Variants in GLYATL2 observed in about 807,000 individuals in gnomAD.
The protein encoded by GLYATL2 is glycine-N-acyltransferase like 2.
GLYATL2 carries 25 observed loss-of-function variants against 21.4 expected under a neutral mutation model. The ratio of observed to expected loss-of-function variants is 1.17; its 90% confidence interval spans 0.85 to 1.63. The LOEUF is 1.63. Ranked by LOEUF, GLYATL2 falls within the 40% of genes most tolerant of loss-of-function variation. The pLI, the probability that GLYATL2 is intolerant of heterozygous loss-of-function variation, is 0.00. For synonymous variants in GLYATL2, 114 were observed against 118.2 expected (o/e 0.96, Z 0.23); for missense variants, 361 against 343.3 (o/e 1.05, Z -0.41).
chr11:58,857,834 T>C (rs1420086611), intron 1 of GLYATL2, among the ~76,000 whole-genome samples: 1 of 149,900 alleles, frequency 6.7e-6, no homozygotes, highest in Non-Finnish European at 1.5e-5. Context: ...CCTTTCTCAC[T>C]GTTGCCTGTC....
chr11:58,895,037 T>C (rs1405553751), intron 1 of GLYATL2, among the ~76,000 whole-genome samples: 4 of 152,208 alleles, frequency 2.6e-5, no homozygotes, highest in African/African-American at 4.8e-5. Flanking sequence ...GGGCAGGTCC[T>C]GTATCCAGAA....
chr11:58,871,841 T>G (rs1274759073), intron 1 of GLYATL2, among the ~76,000 whole-genome samples: 4 of 152,228 alleles, frequency 2.6e-5, no homozygotes, highest in African/African-American at 9.7e-5. Context: ...TAGTTCTAGA[T>G]GCCTGAGGAA....
upstream of GLYATL2, among the ~76,000 whole-genome samples, chr11:58,908,917 T>G (rs1406643383): frequency 5.9e-5 from 9 of 152,196 alleles, 1 homozygote; most frequent in Admixed American, 5.9e-4. Context: ...ATGCAGTAGG[T>G]AATATTATCA....
chr11:58,844,586 G>A lies in GLYATL2; in HGVS notation c.-193C>T, dbSNP rs10792183. ...ACTGTTAAGCATAAAGCTTCAGGAA[G>A]TTATGGGTTCCTGTAGATTAAACCA... On this transcript the variant is annotated 5_prime_UTR_variant, in exon 1 of 6. Transcript: ENST00000287275. 1.3e-5 allele frequency: 2 copies of A among 152,014 alleles called. No homozygotes were observed. The highest frequency in any genetic ancestry group is 2.4e-5 in the African/African-American group (1 of 41,378). 9.4% of individuals were successfully genotyped at this position (152,014 alleles called of 1,614,324 possible).
intron 1 of GLYATL2, among the ~76,000 whole-genome samples, chr11:58,842,576 G>A (rs1853573564): frequency 6.6e-6 from 1 of 151,342 alleles, no homozygotes; most frequent in African/African-American, 2.4e-5. Flanking sequence ...TGTGCTCTGA[G>A]CTACCAGGAC....
At chr11:58,852,148 T>C (rs12421653) in intron 1 of GLYATL2, among the ~76,000 whole-genome samples, 135,628 of 152,094 alleles carry the variant, frequency 0.89, 61,510 homozygotes, top group Non-Finnish European at 0.98. Context: ...TATGAATGTG[T>C]TTACTTCTGG....
upstream of GLYATL2, among the ~76,000 whole-genome samples, chr11:58,906,685 A>C (rs1405276264): frequency 6.6e-6 from 1 of 152,164 alleles, no homozygotes; most frequent in Non-Finnish European, 1.5e-5. Flanking sequence ...GATTCATGTT[A>C]GGGTAGCGCT....
At chr11:58,885,772 G>A (rs963148063) in intron 1 of GLYATL2, among the ~76,000 whole-genome samples, 1 of 152,168 alleles carries the variant, frequency 6.6e-6, no homozygotes, top group Non-Finnish European at 1.5e-5. Context: ...AAAAGGACAA[G>A]GCTGACACTC....
At chr11:58,897,364 G>C (rs1334127719) in intron 1 of GLYATL2, among the ~76,000 whole-genome samples, 1 of 152,160 alleles carries the variant, frequency 6.6e-6, no homozygotes, top group African/African-American at 2.4e-5. Flanking sequence ...ATGCCCAGGG[G>C]TGAAATTTTT....
chr11:58,840,412 A>T (rs982927037), intron 1 of GLYATL2, among the ~76,000 whole-genome samples: 4 of 152,192 alleles, frequency 2.6e-5, no homozygotes, highest in Non-Finnish European at 5.9e-5. Context: ...GAAATGATCA[A>T]GTTAATGATG....
intron 1 of GLYATL2, among the ~76,000 whole-genome samples, chr11:58,853,002 T>C (rs1429333770): frequency 2.0e-5 from 3 of 152,208 alleles, no homozygotes; most frequent in Non-Finnish European, 4.4e-5. Flanking sequence ...ATATTTGGTA[T>C]TCATTTATTT....
intron 1 of GLYATL2, among the ~76,000 whole-genome samples, chr11:58,865,445 C>A (rs569124130): frequency 1.3e-5 from 2 of 149,154 alleles, no homozygotes; most frequent in South Asian, 4.3e-4. Flanking sequence ...ACTAATTCAA[C>A]TAAAGCCTCA....
intron 5 of GLYATL2, among the ~76,000 whole-genome samples, 175 bp downstream of exon 5, chr11:58,836,840 A>G (rs1169916379): frequency 6.6e-6 from 1 of 152,204 alleles, no homozygotes; most frequent in Non-Finnish European, 1.5e-5. Context: ...GACCTTGTCT[A>G]ATGAAGGCTA....
chr11:58,906,098 G>C (rs1381798202), upstream of GLYATL2, among the ~76,000 whole-genome samples: 2 of 152,192 alleles, frequency 1.3e-5, no homozygotes, highest in South Asian at 2.1e-4. Flanking sequence ...GTCTGGTCAG[G>C]CTCGCCGGTT....
At chr11:58,850,208 A>G (rs180783090) in intron 1 of GLYATL2, among the ~76,000 whole-genome samples, 2 of 152,304 alleles carry the variant, frequency 1.3e-5, no homozygotes, top group African/African-American at 4.8e-5. Flanking sequence ...TCAGTGTGAT[A>G]CTAGCTGTAG....
At chr11:58,872,656 G>T (rs998985306) in intron 1 of GLYATL2, among the ~76,000 whole-genome samples, 2 of 152,186 alleles carry the variant, frequency 1.3e-5, no homozygotes, top group African/African-American at 4.8e-5. Flanking sequence ...CTCTGTTTTG[G>T]TGCCAGCACC....
chr11:58,906,373 C>T (rs959776987), upstream of GLYATL2, among the ~76,000 whole-genome samples: 10 of 152,138 alleles, frequency 6.6e-5, no homozygotes, highest in African/African-American at 2.2e-4. Flanking sequence ...CCCTGGTGCC[C>T]TTTGCACCCA....
chr11:58,907,131 C>T (rs1226720183), upstream of GLYATL2: 3 of 366,542 alleles, frequency 8.2e-6, no homozygotes, highest in Admixed American at 3.2e-5. Context: ...TCTTTCCTGG[C>T]CTTGGAAAGT....
chr11:58,845,015 A>G (rs1317419531), upstream of GLYATL2, among the ~76,000 whole-genome samples: 2 of 152,148 alleles, frequency 1.3e-5, no homozygotes, highest in African/African-American at 4.8e-5. Context: ...AGGGAGGGGC[A>G]TTGTAAGTTT....
Sources: allele counts gnomAD v4.1 joint callset (sites outside exome capture counted in the v4.1 genomes callset), GRCh38; gene constraint gnomAD v4.1.1; transcripts MANE v1.5; gene names NCBI Gene and HGNC (gene_info 2026-07-23, HGNC 2026-07-21).